Variants in ACAN observed in about 807,000 individuals in gnomAD.
ACAN encodes aggrecan core protein.
Under a neutral mutation model 169.1 loss-of-function variants are expected in ACAN, and 47 were observed. The observed-to-expected ratio is 0.28, with a 90% CI of 0.22 to 0.35. The LOEUF is 0.35. Among genes scored for constraint, ACAN ranks in the 10% least tolerant of loss-of-function variants. ACAN has a pLI of 1.00. For missense variants in ACAN, 2,716 were observed against 2,759.9 expected (o/e 0.98, Z 0.36); for synonymous variants, 1,115 against 1,112.2 (o/e 1.00, Z -0.05).
rs34616796 is a variant in ACAN at position 88,849,555 on chromosome 15, G to A, written c.1850G>A (p.Arg617His). ...GGCCAGCTCTACGCCGCCTGGAGCC[G>A]CGGCCTGGACAAGTGCTATGCCGGC... ...TTGQLYAAWS[R>H]GLDKCYAGWL... is the part of the protein sequence containing the mutation. Residue 617 changes from arginine (R) to histidine (H), a missense_variant, in exon 10 of 19, where the codon CGC (arginine) becomes CAC (histidine). By Grantham distance (29) the Arg-to-His change is conservative. Coordinates refer to ENST00000560601, the MANE Select transcript of ACAN (RefSeq NM_001369268.1). The surrounding 1 kb of genome is among the most constrained non-coding windows in gnomAD (Gnocchi z 5.1). 5.3e-3 allele frequency: 8,575 copies of A among 1,605,640 alleles called. 384 individuals carry two copies. In the African/African-American group the frequency reaches 0.1, roughly 19 times the overall value.
rs145860113 is a variant in ACAN, at chr15:88,838,473, CT to C, written c.71-189del. On this transcript the variant is annotated intron_variant, in intron 2 of 18. Transcript: ENST00000560601. The surrounding 1 kb of genome is among the most constrained non-coding windows in gnomAD (Gnocchi z 5.1). Reference sequence around the variant, plus strand: ...GCCAGGGGTCTTGAGGAACACTGCTCTGGAAAGGGCGTGGCAAGCCTTTCTG... The same window carrying C: ...GCCAGGGGTCTTGAGGAACACTGCTCGGAAAGGGCGTGGCAAGCCTTTCTG... 0.038 allele frequency among the ~76,000 whole-genome samples: 5,736 copies of C among 152,252 alleles called. 193 individuals are homozygous for C. The highest frequency in any genetic ancestry group is 0.087 in the African/African-American group (3,609 of 41,534).
chr15:88,842,845 AT>A (rs1036093818), intron 5 of ACAN, among the ~76,000 whole-genome samples: 15 of 152,094 alleles, frequency 9.9e-5, no homozygotes, highest in African/African-American at 3.1e-4. Flanking sequence ...ATTTTGGGAA[AT>A]TTTTTTTAAG....
At chr15:88,810,014 T>TTGG (rs1895779101) in intron 1 of ACAN, among the ~76,000 whole-genome samples, 1 of 152,166 alleles carries the variant, frequency 6.6e-6, no homozygotes, top group Non-Finnish European at 1.5e-5. Flanking sequence ...GAACTTCTAT[T>TTGG]TTACAGAGTC....
intron 1 of ACAN, among the ~76,000 whole-genome samples, chr15:88,806,223 C>G (rs760748273): frequency 2.0e-5 from 3 of 152,248 alleles, no homozygotes; most frequent in Non-Finnish European, 2.9e-5. Flanking sequence ...GCAAGCACCA[C>G]AAACTTTAAT....
rs541821288 is a variant in ACAN, at chr15:88,807,447, G to C, written c.-8+3638G>C. On this transcript the variant is annotated intron_variant, in intron 1 of 18. Transcript: ENST00000560601. This position sits in a 1 kb window ranked among gnomAD's most constrained non-coding sequence, Gnocchi z 4.0. ...GCCCCTTCAATGGGATGAAGGGCCC[G>C]TTTCTGTGACAGCTACTTTGGGAGT... is the stretch of plus-strand genomic sequence containing the variant. Among the ~76,000 whole-genome samples the C allele has an allele frequency of 1.0e-3, 155 of 152,266 alleles. 1 individual carries two copies. The highest frequency in any genetic ancestry group is 3.4e-3 in the Middle Eastern group (1 of 294).
chr15:88,823,225 T>C (rs1276251510), intron 1 of ACAN, among the ~76,000 whole-genome samples: 1 of 152,216 alleles, frequency 6.6e-6, no homozygotes, highest in Admixed American at 6.5e-5. Context: ...CCAAGATCCC[T>C]GCCCAGGAAA....
Position 88,858,707 on chromosome 15 carries a change from T to C in ACAN, c.6122T>C (p.Phe2041Ser). 1.9e-6 allele frequency: 3 copies of C among 1,613,938 alleles called. No homozygotes were observed. Among genetic ancestry groups the C allele is most frequent in the Non-Finnish European group, 1.7e-6 (2 of 1,179,884 alleles). ...LPEVTLITSE[F>S]VEGVTEPTIS... Reference sequence around the variant, plus strand: ...GAAGTTACTTTAATCACTTCTGAGTTCGTGGAGGGTGTTACTGAACCAACT... The same window carrying C: ...GAAGTTACTTTAATCACTTCTGAGTCCGTGGAGGGTGTTACTGAACCAACT... Residue 2041 changes from phenylalanine (F) to serine (S), a missense_variant, in exon 12 of 19, where the codon TTC becomes TCC. By Grantham distance (155) the Phe-to-Ser change is radical. Coordinates refer to ENST00000560601, the MANE Select transcript of ACAN (RefSeq NM_001369268.1). The surrounding 1 kb of genome is among the most constrained non-coding windows in gnomAD (Gnocchi z 4.0).
chr15:88,848,898 T>A (rs1487829972), intron 9 of ACAN, among the ~76,000 whole-genome samples: 1 of 152,208 alleles, frequency 6.6e-6, no homozygotes, highest in Non-Finnish European at 1.5e-5. Flanking sequence ...CAAGTAGGTG[T>A]TCAGTAAGTG....
At chr15:88,804,799 T>G (rs985361453) in intron 1 of ACAN, among the ~76,000 whole-genome samples, 2 of 152,200 alleles carry the variant, frequency 1.3e-5, no homozygotes, top group East Asian at 3.8e-4. Context: ...GGTTTCACCA[T>G]GAAGAAGCTG....
chr15:88,866,829 G>C lies in ACAN; in HGVS notation c.6947-1387G>C, dbSNP rs1403723599. Among the ~76,000 whole-genome samples, 1 of 152,188 alleles carries C rather than the reference G, an allele frequency of 6.6e-6. No homozygotes were observed. The highest frequency in any genetic ancestry group is 1.5e-5 in the Non-Finnish European group (1 of 68,042). On this transcript the variant is annotated intron_variant, in intron 13 of 18. Transcript: ENST00000560601. This position sits in a 1 kb window ranked among gnomAD's most constrained non-coding sequence, Gnocchi z 5.6. ...TTATGGGAGGCAAGAACTAAGTCTTGGCACATGTTTAGGACTCTGAGATCC... is the reference window on the plus strand; with the variant it reads ...TTATGGGAGGCAAGAACTAAGTCTTCGCACATGTTTAGGACTCTGAGATCC...
At position 88,866,177 on chromosome 15, in the gene ACAN, C is replaced by G. The variant is rs141804742; in HGVS notation, c.6947-2039C>G. Among the ~76,000 whole-genome samples the G allele has an allele frequency of 2.6e-5, 4 of 152,280 alleles. No individual in the cohort carries two copies. In the South Asian group the frequency reaches 8.3e-4, roughly 32 times the overall value. ...GCCTCTGAGACAACTGGATACCCCC[C>G]AGCCTGACCTCCGCTGGGGTGTCTT... On this transcript the variant is annotated intron_variant, in intron 13 of 18. Transcript: ENST00000560601. The surrounding 1 kb of genome is among the most constrained non-coding windows in gnomAD (Gnocchi z 5.6).
Position 88,807,964 on chromosome 15 carries a change from A to G in ACAN, c.-8+4155A>G, listed in dbSNP as rs1173949111. On this transcript the variant is annotated intron_variant, in intron 1 of 18. Transcript: ENST00000560601. The surrounding 1 kb of genome is among the most constrained non-coding windows in gnomAD (Gnocchi z 4.0). ...GATATTTGGTTACCTTTGAGGTTACATGTTTTTCCTCTTAAGATACACACT... is the reference window on the plus strand; with the variant it reads ...GATATTTGGTTACCTTTGAGGTTACGTGTTTTTCCTCTTAAGATACACACT... 3.3e-5 allele frequency among the ~76,000 whole-genome samples: 5 copies of G among 152,116 alleles called. No homozygotes were observed. Among genetic ancestry groups the G allele is most frequent in the African/African-American group, 7.2e-5 (3 of 41,418 alleles).
chr15:88,840,464 A>G (rs543338161), intron 4 of ACAN, among the ~76,000 whole-genome samples: 1 of 152,276 alleles, frequency 6.6e-6, no homozygotes, highest in Non-Finnish European at 1.5e-5. Context: ...TTTCTTTGCC[A>G]TGATTTCCTC....
chr15:88,811,899 G>A (rs1255918061), intron 1 of ACAN, among the ~76,000 whole-genome samples: 2 of 152,114 alleles, frequency 1.3e-5, no homozygotes, highest in African/African-American at 4.8e-5. Context: ...ACCCAGCCAG[G>A]TGCTTTGTTC....
At position 88,851,779 on chromosome 15, in the gene ACAN, C is replaced by T. The variant is rs1322542592; in HGVS notation, c.2027-15C>T. On this transcript the variant is annotated splice_polypyrimidine_tract_variant and intron_variant, in intron 10 of 18. Coordinates refer to ENST00000560601, the MANE Select transcript of ACAN (RefSeq NM_001369268.1). The surrounding 1 kb of genome is among the most constrained non-coding windows in gnomAD (Gnocchi z 4.3). ...TAAGAGAGGGACTCACTCTGACCAC[C>T]CACATCTCCTTTAGGCATTTCAGCG... 1.9e-6 allele frequency: 3 copies of T among 1,564,248 alleles called. No individual in the cohort carries two copies. Among genetic ancestry groups the T allele is most frequent in the Middle Eastern group, 1.7e-4 (1 of 5,968 alleles).
At position 88,866,866 on chromosome 15, in the gene ACAN, C is replaced by G. The variant is rs1420474205; in HGVS notation, c.6947-1350C>G. On this transcript the variant is annotated intron_variant, in intron 13 of 18. Transcript: ENST00000560601. This position sits in a 1 kb window ranked among gnomAD's most constrained non-coding sequence, Gnocchi z 5.6. ...GGACTCTGAGATCCTATTCCCACCA[C>G]AGGGCTTCGCTGTCCTGCAGAGCCC... Among the ~76,000 whole-genome samples the G allele has an allele frequency of 6.6e-6, 1 of 152,222 alleles. No homozygotes were observed. Among genetic ancestry groups the G allele is most frequent in the Admixed American group, 6.5e-5 (1 of 15,286 alleles).
At position 88,868,436 on chromosome 15, in the gene ACAN, A is replaced by G; in HGVS notation, c.7060+107A>G. The stretch of plus-strand genomic sequence containing the variant: ...CTCCAGGCCCTGGCTGGGGCCCCCG[A>G]GGTTCATCTGGAGAGCCATTTCAGG... On this transcript the variant is annotated intron_variant, in intron 14 of 18. Transcript: ENST00000560601. This position sits in a 1 kb window ranked among gnomAD's most constrained non-coding sequence, Gnocchi z 5.2. 1.7e-6 allele frequency: 1 copy of G among 588,360 alleles called. No individual in the cohort carries two copies. The highest frequency in any genetic ancestry group is 2.1e-5 in the South Asian group (1 of 48,476). The allele number at this position is 588,360 out of a possible 1,614,324, so 36.4% of individuals were successfully genotyped here.
chr15:88,810,415 T>G (rs918157138), intron 1 of ACAN, among the ~76,000 whole-genome samples: 2 of 151,916 alleles, frequency 1.3e-5, no homozygotes, highest in African/African-American at 4.8e-5. Flanking sequence ...GCCTCCCATC[T>G]CCCTCAGAAA....
chr15:88,855,600 C>T lies in ACAN; in HGVS notation c.3015C>T (p.Ala1005=), dbSNP rs754488892. ...LPSGEVLETT[A]PGVEDISGLP... ...CTGGAGAAGTTCTAGAGACCACTGC[C>T]CCTGGAGTAGAGGACATCAGCGGGC... Residue 1005 remains alanine, a synonymous_variant, in exon 12 of 19, where the codon GCC becomes GCT. Coordinates refer to ENST00000560601, the MANE Select transcript of ACAN (RefSeq NM_001369268.1). The T allele has an allele frequency of 1.4e-4, 73 of 540,648 alleles. No individual in the cohort carries two copies. The African/African-American group carries it at 1.9e-3, about 14-fold the overall frequency. 33.5% of individuals were successfully genotyped at this position (540,648 alleles called of 1,614,324 possible).
Sources: gnomAD v4.1 joint callset for allele counts (sites outside exome capture counted in the v4.1 genomes callset) on GRCh38, gnomAD v4.1.1 for gene constraint, Gnocchi (gnomAD v3.1) non-coding constraint, MANE v1.5 for transcripts, NCBI Gene and HGNC (gene_info 2026-07-23, HGNC 2026-07-21) for gene names.